Variants in GLT8D2 observed in about 807,000 individuals in gnomAD.
GLT8D2 encodes glycosyltransferase 8 domain-containing protein 2.
Under a neutral mutation model 44.5 loss-of-function variants are expected in GLT8D2, and 45 were observed. The ratio of observed to expected loss-of-function variants is 1.01; its 90% confidence interval spans 0.80 to 1.30. The LOEUF (loss-of-function observed/expected upper bound fraction) is 1.30, where lower values mean the gene tolerates loss of function less well. Among genes scored for constraint, GLT8D2 ranks in the 50% most tolerant of loss-of-function variants. GLT8D2 has a pLI of 0.00. For missense variants in GLT8D2, 400 were observed against 430.4 expected (o/e 0.93, Z 0.62); for synonymous variants, 156 against 157.2 (o/e 0.99, Z 0.06).
At chr12:104,055,445 C>A (rs1467663979) in intron 1 of GLT8D2, among the ~76,000 whole-genome samples, 2 of 152,208 alleles carry the variant, frequency 1.3e-5, no homozygotes, top group African/African-American at 4.8e-5. Context: ...CAGAGAATCA[C>A]CACAGCAGCC....
intron 1 of GLT8D2, among the ~76,000 whole-genome samples, chr12:104,041,340 C>T (rs911993710): frequency 5.9e-5 from 9 of 152,120 alleles, no homozygotes; most frequent in African/African-American, 9.7e-5. Context: ...CTTGAACCTG[C>T]GAGACAGAGG....
chr12:103,989,404 T>TA lies in GLT8D2; in HGVS notation c.*3dup. 1.2e-6 allele frequency: 2 copies of TA among 1,602,606 alleles called. No individual in the cohort carries two copies. Among genetic ancestry groups the TA allele is most frequent in the African/African-American group, 1.3e-5 (1 of 74,698 alleles). On this transcript the variant is annotated 3_prime_UTR_variant, in exon 11 of 11. Coordinates refer to ENST00000360814, the MANE Select transcript of GLT8D2 (RefSeq NM_001384711.1). The stretch of plus-strand genomic sequence containing the variant: ...ACAGGGAATATTTTAAGGGTAGAGT[T>TA]ATATCAGCTATGGTGATTGAGTTTA...
intron 1 of GLT8D2, among the ~76,000 whole-genome samples, chr12:104,032,972 G>A (rs1366595251): frequency 7.3e-5 from 11 of 151,356 alleles, no homozygotes; most frequent in Admixed American, 1.3e-4. Context: ...CTCCGCTTCC[G>A]GGGTTCAAGC....
At chr12:103,999,818 T>C (rs1449150282) in intron 5 of GLT8D2, among the ~76,000 whole-genome samples, 2 of 152,236 alleles carry the variant, frequency 1.3e-5, no homozygotes, top group African/African-American at 2.4e-5. Flanking sequence ...AAGTATTCTT[T>C]CTTATATAGC....
intron 1 of GLT8D2, among the ~76,000 whole-genome samples, chr12:104,043,501 C>T (rs1239165293): frequency 6.6e-6 from 1 of 152,128 alleles, no homozygotes; most frequent in East Asian, 1.9e-4. Context: ...GAGTTTTGTT[C>T]TGTCTCTCAA....
chr12:103,991,417 A>G (rs907199521), intron 10 of GLT8D2, among the ~76,000 whole-genome samples: 1 of 152,090 alleles, frequency 6.6e-6, no homozygotes, highest in African/African-American at 2.4e-5. Flanking sequence ...TGAACTCCTG[A>G]CCTCAAGTGA....
chr12:104,017,766 C>A (rs888577501), intron 3 of GLT8D2, among the ~76,000 whole-genome samples: 1 of 152,144 alleles, frequency 6.6e-6, no homozygotes, highest in African/African-American at 2.4e-5. Flanking sequence ...AATTTGAAGT[C>A]AGACTCAAAT....
intron 1 of GLT8D2, among the ~76,000 whole-genome samples, chr12:104,047,705 C>T (rs1372086720): frequency 6.6e-6 from 1 of 152,178 alleles, no homozygotes; most frequent in Non-Finnish European, 1.5e-5. Context: ...GTAGCATCAC[C>T]TTGGGGGTTA....
chr12:104,013,574 G>C (rs1200824918), intron 4 of GLT8D2, among the ~76,000 whole-genome samples: 1 of 151,966 alleles, frequency 6.6e-6, no homozygotes, highest in Middle Eastern at 3.2e-3. Flanking sequence ...ATTTAGATCA[G>C]ATTATACATG....
chr12:104,022,074 GAA>G (rs72438249), intron 1 of GLT8D2, among the ~76,000 whole-genome samples: 1,425 of 88,448 alleles, frequency 0.016, 146 homozygotes, highest in East Asian at 0.12. Flanking sequence ...AAGAAAGAAA[GAA>G]AAAAAAAGAA....
At chr12:103,999,201 T>C (rs1240555274) in intron 6 of GLT8D2, among the ~76,000 whole-genome samples, 196 bp downstream of exon 6, 1 of 152,224 alleles carries the variant, frequency 6.6e-6, no homozygotes, top group Non-Finnish European at 1.5e-5. Flanking sequence ...AATAACTTCA[T>C]TGTGCTTCTA....
At chr12:104,038,425 C>T (rs1415735898) in intron 1 of GLT8D2, among the ~76,000 whole-genome samples, 1 of 152,208 alleles carries the variant, frequency 6.6e-6, no homozygotes, top group Admixed American at 6.5e-5. Context: ...TCTCCTTAAG[C>T]TGATAAGCAA....
Position 103,994,453 on chromosome 12 carries a change from G to A in GLT8D2, c.649C>T (p.Leu217Phe). The A allele has an allele frequency of 6.2e-7, 1 of 1,614,126 alleles. No individual in the cohort carries two copies. Reference protein sequence around the residue: ...LDYRKKAIKDLGISPSTCSFN... With the variant: ...LDYRKKAIKDFGISPSTCSFN... ...GAGCAGGTGCTGGGGCTGATGCCAA[G>A]GTCCTTGATGGCCTTCTTCCGGTAG... Residue 217 changes from leucine to phenylalanine, a missense_variant, in exon 9 of 11, where the codon CTT becomes TTT. Leu to Phe is a conservative substitution (Grantham distance 22). Coordinates refer to ENST00000360814, the MANE Select transcript of GLT8D2 (RefSeq NM_001384711.1).
At chr12:104,007,515 T>C (rs1469215633) in intron 4 of GLT8D2, among the ~76,000 whole-genome samples, 1 of 152,190 alleles carries the variant, frequency 6.6e-6, no homozygotes, top group Non-Finnish European at 1.5e-5. Flanking sequence ...AGAATAATTT[T>C]GTTTTCACAA....
chr12:103,997,235 T>C (rs1261974994), intron 7 of GLT8D2, among the ~76,000 whole-genome samples: 2 of 152,208 alleles, frequency 1.3e-5, no homozygotes, highest in Admixed American at 6.5e-5. Flanking sequence ...AAGCTATTTA[T>C]TGCTGGTTTT....
At position 104,003,120 on chromosome 12, in the gene GLT8D2, T is replaced by C. The variant is rs1395471425; in HGVS notation, c.284+15A>G. ...AGGAAACAGAAAGTGCCAAAGTCTG[T>C]AAGACATAACTTACCGTATTCGAGT... is the stretch of plus-strand genomic sequence containing the variant. On this transcript the variant is annotated intron_variant, in intron 5 of 10. Transcript: ENST00000360814. 6.2e-7 allele frequency: 1 copy of C among 1,608,734 alleles called. No individual in the cohort carries two copies. The highest frequency in any genetic ancestry group is 8.5e-7 in the Non-Finnish European group (1 of 1,175,492).
intron 6 of GLT8D2, among the ~76,000 whole-genome samples, chr12:103,997,870 T>G (rs1486038899): frequency 6.6e-6 from 1 of 152,010 alleles, no homozygotes; most frequent in Non-Finnish European, 1.5e-5. Flanking sequence ...TGCCTTTCTC[T>G]GTATTCAGTA....
intron 8 of GLT8D2, among the ~76,000 whole-genome samples, chr12:103,994,876 C>T (rs1433262399): frequency 6.6e-6 from 1 of 152,138 alleles, no homozygotes; most frequent in Non-Finnish European, 1.5e-5. Context: ...CTCCAACTTA[C>T]ATCCCAAAAT....
In GLT8D2 at chr12:103,994,514, A is replaced by G; in HGVS notation, c.601-13T>C. 6.3e-7 allele frequency: 1 copy of G among 1,588,582 alleles called. No homozygotes were observed. The highest frequency in any genetic ancestry group is 1.1e-5 in the South Asian group (1 of 87,228). ...CCATATATGTGTTCTGTAAGGGAAC[A>G]GGATGTGCATGCTTTTGACCAGCGA... On this transcript the variant is annotated splice_polypyrimidine_tract_variant and intron_variant, in intron 8 of 10. Transcript: ENST00000360814.
Sources: allele counts gnomAD v4.1 joint callset (sites outside exome capture counted in the v4.1 genomes callset), GRCh38; gene constraint gnomAD v4.1.1; transcripts MANE v1.5; gene names NCBI Gene and HGNC (gene_info 2026-07-23, HGNC 2026-07-21).